ZNF438: variants seen among roughly 807,000 people sequenced by gnomAD.
ZNF438 encodes the protein zinc finger protein 438.
ZNF438 carries 25 observed loss-of-function variants against 38.0 expected under a neutral mutation model. That is an observed-to-expected ratio of 0.66 (90% CI 0.48 to 0.92). The LOEUF is 0.92. Ranked by LOEUF, ZNF438 falls within the 40% of genes least tolerant of loss-of-function variation. The probability of loss-of-function intolerance (pLI) is 0.00; values close to 1 mark genes in which losing one functional copy is unlikely to be tolerated. For synonymous variants in ZNF438, 372 were observed against 364.1 expected, an observed-to-expected ratio of 1.02 and a Z score of -0.25; for missense variants, 1,007 against 999.6, an observed-to-expected ratio of 1.01 and a Z score of -0.10.
chr10:30,850,076 C>T (rs529450655), exon 5 of ZNF438: 29 of 1,613,910 alleles, frequency 1.8e-5, no homozygotes, highest in Non-Finnish European at 2.3e-5. Context: ...TAGGGACATT[C>T]TGGGTTTCTG....
chr10:30,927,339 T>C (rs2045071099), intron 2 of ZNF438, among the ~76,000 whole-genome samples: 1 of 152,212 alleles, frequency 6.6e-6, no homozygotes. Flanking sequence ...ACAAAGGCTA[T>C]ATAGTCTCCA....
intron 2 of ZNF438, among the ~76,000 whole-genome samples, chr10:30,928,414 A>T (rs1409409357): frequency 6.6e-6 from 1 of 152,180 alleles, no homozygotes; most frequent in Non-Finnish European, 1.5e-5. Flanking sequence ...CACTGACGAA[A>T]GGGAAGACAA....
chr10:30,905,365 G>A (rs1011529958), intron 3 of ZNF438, among the ~76,000 whole-genome samples: 24 of 152,274 alleles, frequency 1.6e-4, no homozygotes, highest in Admixed American at 1.2e-3. Context: ...GACTAACGAC[G>A]TTGCACATCT....
intron 1 of ZNF438, 81 bp from the exon 3 acceptor site, chr10:30,941,732 TG>T: frequency 6.6e-6 from 1 of 152,278 alleles, no homozygotes; most frequent in Admixed American, 6.5e-5. Flanking sequence ...TGACTGCACC[TG>T]AAAGACCATA....
chr10:30,897,393 G>A (rs979306151), intron 3 of ZNF438, among the ~76,000 whole-genome samples: 1 of 152,176 alleles, frequency 6.6e-6, no homozygotes, highest in African/African-American at 2.4e-5. Flanking sequence ...GAAAGGCAGG[G>A]AGTTTCAGGT....
chr10:30,951,270 T>G (rs1024942820), intron 1 of ZNF438, among the ~76,000 whole-genome samples: 1 of 150,794 alleles, frequency 6.6e-6, no homozygotes, highest in African/African-American at 2.4e-5. Context: ...GAGCTATCTA[T>G]GACAAACCCA....
intron 1 of ZNF438, among the ~76,000 whole-genome samples, chr10:30,989,710 T>C (rs1293456049): frequency 6.6e-6 from 1 of 152,242 alleles, no homozygotes; most frequent in Non-Finnish European, 1.5e-5. Flanking sequence ...GAGACTGTTG[T>C]GTGTGCACTA....
chr10:30,880,941 TA>T (rs968367612), intron 3 of ZNF438, among the ~76,000 whole-genome samples: 2 of 151,146 alleles, frequency 1.3e-5, no homozygotes, highest in Non-Finnish European at 3.0e-5. Flanking sequence ...CATTACTGAT[TA>T]AAAAAAAACA....
intron 1 of ZNF438, among the ~76,000 whole-genome samples, chr10:30,978,273 AT>A (rs1274906485): frequency 1.3e-5 from 2 of 152,246 alleles, no homozygotes; most frequent in East Asian, 3.9e-4. Context: ...CTCTTTCCTT[AT>A]TTAGGGACTT....
At chr10:30,845,815 T>G (rs1224128711) in intron 5 of ZNF438, among the ~76,000 whole-genome samples, 1 of 152,210 alleles carries the variant, frequency 6.6e-6, no homozygotes, top group Non-Finnish European at 1.5e-5. Context: ...ACAGTCCTCT[T>G]CACGCATCTG....
At chr10:30,959,779 A>G (rs1325991030) in intron 1 of ZNF438, among the ~76,000 whole-genome samples, 1 of 146,190 alleles carries the variant, frequency 6.8e-6, no homozygotes, top group East Asian at 1.9e-4. Context: ...ACACACACAT[A>G]CCTGATTCAT....
At chr10:30,887,795 A>G (rs1473366185) in intron 3 of ZNF438, among the ~76,000 whole-genome samples, 1 of 152,154 alleles carries the variant, frequency 6.6e-6, no homozygotes, top group Non-Finnish European at 1.5e-5. Context: ...ATATAATATC[A>G]TCTCAAAAGT....
intron 4 of ZNF438, 68 bp from the exon 6 acceptor site, chr10:30,850,435 A>G (rs751827246): frequency 3.3e-6 from 5 of 1,521,608 alleles, no homozygotes; most frequent in Non-Finnish European, 4.4e-6. Flanking sequence ...TTCAAACAAC[A>G]AGCATCTTAT....
chr10:30,852,573 C>T (rs1054815408), intron 4 of ZNF438, among the ~76,000 whole-genome samples: 24 of 152,290 alleles, frequency 1.6e-4, no homozygotes, highest in African/African-American at 4.6e-4. Flanking sequence ...TTGATTCTTT[C>T]AGCAGAAATG....
At chr10:30,955,166 C>G (rs1450926510) in intron 1 of ZNF438, among the ~76,000 whole-genome samples, 2 of 152,150 alleles carry the variant, frequency 1.3e-5, no homozygotes, top group Admixed American at 1.3e-4. Flanking sequence ...TTGTAAATAA[C>G]AAGTTCTTGA....
At chr10:31,016,861 G>T (rs1200537533) in intron 1 of ZNF438, among the ~76,000 whole-genome samples, 4 of 152,144 alleles carry the variant, frequency 2.6e-5, no homozygotes, top group Non-Finnish European at 4.4e-5. Flanking sequence ...AGGTGGGAGT[G>T]CATCCTTCTT....
chr10:30,900,533 CAG>C (rs2041858000), intron 3 of ZNF438, among the ~76,000 whole-genome samples: 1 of 152,208 alleles, frequency 6.6e-6, no homozygotes, highest in Non-Finnish European at 1.5e-5. Context: ...TGGCTCCAAA[CAG>C]TGTTCTAAGC....
At chr10:30,878,356 C>G (rs1320052744) in intron 3 of ZNF438, among the ~76,000 whole-genome samples, 2 of 152,128 alleles carry the variant, frequency 1.3e-5, no homozygotes, top group Non-Finnish European at 2.9e-5. Context: ...AGAGGGACAG[C>G]TGGACTTCAG....
At chr10:30,955,517 A>C (rs2048766758) in intron 1 of ZNF438, among the ~76,000 whole-genome samples, 1 of 152,214 alleles carries the variant, frequency 6.6e-6, no homozygotes, top group African/African-American at 2.4e-5. Flanking sequence ...CCACAATAAT[A>C]AGTCTGACTA....
Sources: gnomAD v4.1 joint callset for allele counts (sites outside exome capture counted in the v4.1 genomes callset) on GRCh38, gnomAD v4.1.1 for gene constraint, MANE v1.5 for transcripts, NCBI Gene and HGNC (gene_info 2026-07-23, HGNC 2026-07-21) for gene names.